The following TOX3 variants were observed in gnomAD, a reference collection of about 807,000 sequenced individuals.
TOX3 encodes CAG trinucleotide repeat-containing gene F9 protein.
In TOX3, 22 loss-of-function variants were observed where a neutral mutation model predicts 64.3. The ratio of observed to expected loss-of-function variants is 0.34; its 90% confidence interval spans 0.24 to 0.49. The LOEUF is 0.49. Ranked by LOEUF, TOX3 falls within the 20% of genes least tolerant of loss-of-function variation. The pLI, the probability that TOX3 is intolerant of heterozygous loss-of-function variation, is 0.99. For synonymous variants in TOX3, 291 were observed against 273.6 expected, an observed-to-expected ratio of 1.06 and a Z score of -0.63; for missense variants, 661 against 714.4, an observed-to-expected ratio of 0.93 and a Z score of 0.85.
chr16:52,446,970 G>C (rs1174986508), intron 4 of TOX3, among the ~76,000 whole-genome samples: 1 of 152,150 alleles, frequency 6.6e-6, no homozygotes, highest in East Asian at 1.9e-4. Flanking sequence ...AAAAGAAGAT[G>C]TTTGTTATTT....
At chr16:52,542,075 A>T (rs1963087498) in intron 1 of TOX3, among the ~76,000 whole-genome samples, 1 of 152,222 alleles carries the variant, frequency 6.6e-6, no homozygotes, top group African/African-American at 2.4e-5. Flanking sequence ...TAAATGCAGG[A>T]TGTGGATGCA....
intron 1 of TOX3, among the ~76,000 whole-genome samples, chr16:52,541,212 A>C (rs1039687486): frequency 1.3e-5 from 2 of 152,166 alleles, no homozygotes; most frequent in Admixed American, 6.5e-5. Flanking sequence ...ACTGCCCTAC[A>C]AAATGATCAC....
intron 1 of TOX3, among the ~76,000 whole-genome samples, chr16:52,515,038 A>AAAT (rs1962415395): frequency 6.9e-6 from 1 of 145,896 alleles, no homozygotes; most frequent in African/African-American, 2.6e-5. Context: ...AAAAAAAAAA[A>AAAT]GGACCCAAGA....
intron 1 of TOX3, among the ~76,000 whole-genome samples, chr16:52,538,092 T>C (rs1962996655): frequency 1.3e-5 from 2 of 152,246 alleles, no homozygotes; most frequent in East Asian, 1.9e-4. Context: ...TTTAACCACT[T>C]TTCCATTAAA....
chr16:52,493,471 A>G (rs1025323521), intron 1 of TOX3, among the ~76,000 whole-genome samples: 14 of 152,212 alleles, frequency 9.2e-5, no homozygotes, highest in African/African-American at 3.4e-4. Flanking sequence ...TATAAACTAC[A>G]AGGTGATGCA....
At chr16:52,460,523 A>G (rs938857090) in intron 3 of TOX3, among the ~76,000 whole-genome samples, 1 of 152,190 alleles carries the variant, frequency 6.6e-6, no homozygotes, top group Admixed American at 6.6e-5. Flanking sequence ...TCATTGCAGG[A>G]AAGAAATAAA....
intron 1 of TOX3, among the ~76,000 whole-genome samples, chr16:52,494,029 T>C (rs1193529503): frequency 6.6e-6 from 1 of 152,154 alleles, no homozygotes; most frequent in Non-Finnish European, 1.5e-5. Flanking sequence ...CCTATAACCC[T>C]TTCACCCACA....
chr16:52,511,145 T>C (rs556234000), intron 1 of TOX3, among the ~76,000 whole-genome samples: 7 of 152,236 alleles, frequency 4.6e-5, no homozygotes, highest in African/African-American at 1.7e-4. Flanking sequence ...TGAATTTTAA[T>C]TAATTAGAAC....
intron 1 of TOX3, among the ~76,000 whole-genome samples, chr16:52,517,960 A>T (rs1250371899): frequency 6.6e-6 from 1 of 152,202 alleles, no homozygotes; most frequent in Non-Finnish European, 1.5e-5. Context: ...AGTAGGGCAA[A>T]GTGAAAAACA....
chr16:52,506,404 A>C (rs1962164090), intron 1 of TOX3, among the ~76,000 whole-genome samples: 1 of 152,348 alleles, frequency 6.6e-6, no homozygotes, highest in South Asian at 2.1e-4. Flanking sequence ...AGAAATCAAC[A>C]CAGAGTCAAC....
chr16:52,519,499 T>A (rs1219764926), intron 1 of TOX3: 2 of 1,551,232 alleles, frequency 1.3e-6, no homozygotes, highest in African/African-American at 2.7e-5. Flanking sequence ...ACATCTTCTA[T>A]GAGTATCTAA....
intron 1 of TOX3, among the ~76,000 whole-genome samples, chr16:52,505,806 G>A (rs905930766): frequency 3.9e-5 from 6 of 151,946 alleles, no homozygotes; most frequent in Middle Eastern, 3.2e-3. Context: ...GGGAGACCCC[G>A]TCCTACAAAA....
chr16:52,546,227 G>A (rs1298756026), intron 1 of TOX3, among the ~76,000 whole-genome samples: 1 of 152,118 alleles, frequency 6.6e-6, no homozygotes, highest in African/African-American at 2.4e-5. Context: ...GGGGGTGGGG[G>A]AGGGCAAGAT....
chr16:52,458,970 AAAAG>A (rs1334883484), intron 3 of TOX3, among the ~76,000 whole-genome samples: 1 of 152,180 alleles, frequency 6.6e-6, no homozygotes, highest in East Asian at 1.9e-4. Flanking sequence ...TAGTCAAAAA[AAAAG>A]AAAGAAACAC....
chr16:52,513,448 T>C (rs955547413), intron 1 of TOX3, among the ~76,000 whole-genome samples: 2 of 152,210 alleles, frequency 1.3e-5, no homozygotes, highest in African/African-American at 2.4e-5. Flanking sequence ...GGTAAAGGCA[T>C]GAATTAAAAT....
rs1170757164 is a variant in TOX3, at chr16:52,439,052, T to G, written c.*173A>C. 3.3e-6 allele frequency: 3 copies of G among 908,872 alleles called. No individual in the cohort carries two copies. In the African/African-American group the frequency reaches 4.9e-5, roughly 15 times the overall value. The allele number at this position is 908,872 out of a possible 1,614,324, so 56.3% of individuals were successfully genotyped here. On this transcript the variant is annotated 3_prime_UTR_variant, in exon 7 of 7. Coordinates refer to ENST00000219746, the MANE Select transcript of TOX3 (RefSeq NM_001080430.4). ...TGATTTATAGTCAGCTAAAAGATGT[T>G]ACTCAGCTACACTGCAGTTCTTATT... is the stretch of plus-strand genomic sequence containing the variant.
upstream of TOX3, among the ~76,000 whole-genome samples, chr16:52,547,164 T>G (rs968744370): frequency 2.3e-5 from 2 of 87,902 alleles, no homozygotes; most frequent in Admixed American, 1.1e-4. Flanking sequence ...GCCCCTCCCC[T>G]CCTTCTCCCC....
chr16:52,464,952 C>A (rs186326393), intron 2 of TOX3, among the ~76,000 whole-genome samples: 1 of 146,470 alleles, frequency 6.8e-6, no homozygotes, highest in South Asian at 2.2e-4. Flanking sequence ...TGATGCTGTT[C>A]GCTTACTTAG....
chr16:52,500,164 A>G (rs1313581443), intron 1 of TOX3, among the ~76,000 whole-genome samples: 1 of 152,232 alleles, frequency 6.6e-6, no homozygotes, highest in Non-Finnish European at 1.5e-5. Flanking sequence ...ATTAATGTTT[A>G]GTCTGTAAAG....
Sources: allele counts gnomAD v4.1 joint callset (sites outside exome capture counted in the v4.1 genomes callset), GRCh38; gene constraint gnomAD v4.1.1; transcripts MANE v1.5; gene names NCBI Gene and HGNC (gene_info 2026-07-23, HGNC 2026-07-21).